ZFAT: variants seen among roughly 807,000 people sequenced by gnomAD.
The protein encoded by ZFAT is zinc finger and AT-hook domain containing.
Under a neutral mutation model 117.7 loss-of-function variants are expected in ZFAT, and 64 were observed. That is an observed-to-expected ratio of 0.54 (90% CI 0.44 to 0.67). ZFAT has a LOEUF of 0.67. Among genes scored for constraint, ZFAT ranks in the 30% least tolerant of loss-of-function variants. ZFAT has a pLI of 0.00. For missense variants in ZFAT, 1,433 were observed against 1,584.5 expected (o/e 0.90, Z 1.62); for synonymous variants, 679 against 615.0 (o/e 1.10, Z -1.54).
intron 1 of ZFAT, among the ~76,000 whole-genome samples, chr8:134,707,916 C>T (rs1813844075): frequency 6.6e-6 from 1 of 152,154 alleles, no homozygotes; most frequent in African/African-American, 2.4e-5. Context: ...TTGTGCTATT[C>T]ACAATAGTCA....
the ZFAT span, among the ~76,000 whole-genome samples, chr8:134,774,665 A>C: frequency 2.0e-5 from 3 of 152,220 alleles, no homozygotes; most frequent in Non-Finnish European, 4.4e-5. Context: ...GAAATCAAAA[A>C]ACTTGACCTT....
the ZFAT span, among the ~76,000 whole-genome samples, chr8:134,759,595 T>C: frequency 7.4e-6 from 1 of 135,614 alleles, no homozygotes; most frequent in Non-Finnish European, 1.6e-5. Flanking sequence ...AACATAATTA[T>C]TCATTTAGGA....
chr8:134,698,458 C>T (rs1053375817), intron 1 of ZFAT, among the ~76,000 whole-genome samples: 1 of 152,200 alleles, frequency 6.6e-6, no homozygotes, highest in Non-Finnish European at 1.5e-5. Flanking sequence ...TATTCAGACA[C>T]TCCAGTAGTC....
At chr8:134,526,615 G>A (rs532263377) in intron 12 of ZFAT, among the ~76,000 whole-genome samples, 3 of 152,206 alleles carry the variant, frequency 2.0e-5, no homozygotes, top group Non-Finnish European at 4.4e-5. Flanking sequence ...TTCTGGAGCA[G>A]TTTCAGGCAT....
chr8:134,780,489 T>C, the ZFAT span, among the ~76,000 whole-genome samples: 1 of 152,244 alleles, frequency 6.6e-6, no homozygotes. Flanking sequence ...ATTCTTTCCT[T>C]GTCTCCTACA....
chr8:134,521,555 T>C (rs1820656799), intron 12 of ZFAT, among the ~76,000 whole-genome samples: 1 of 152,178 alleles, frequency 6.6e-6, no homozygotes, highest in South Asian at 2.1e-4. Flanking sequence ...TCATTATTTA[T>C]TGAACTGATT....
At chr8:134,580,048 G>A (rs1312908185) in intron 10 of ZFAT, among the ~76,000 whole-genome samples, 2 of 151,958 alleles carry the variant, frequency 1.3e-5, no homozygotes, top group Non-Finnish European at 2.9e-5. Flanking sequence ...AGGACAGGAT[G>A]CCGAGGCAGG....
At chr8:134,553,792 T>C (rs1192242630) in intron 11 of ZFAT, among the ~76,000 whole-genome samples, 1 of 152,218 alleles carries the variant, frequency 6.6e-6, no homozygotes, top group Non-Finnish European at 1.5e-5. Context: ...GTACTTCTTT[T>C]ATCTCTGTGC....
At chr8:134,804,377 G>C in the ZFAT span, among the ~76,000 whole-genome samples, 1 of 152,164 alleles carries the variant, frequency 6.6e-6, no homozygotes, top group Non-Finnish European at 1.5e-5. Context: ...ATCACTCAGG[G>C]TGAGGGGAAC....
chr8:134,555,438 C>T (rs952448570), intron 11 of ZFAT, among the ~76,000 whole-genome samples: 3 of 152,238 alleles, frequency 2.0e-5, no homozygotes, highest in African/African-American at 7.2e-5. Flanking sequence ...AGTCCATGTT[C>T]TCAGATGCCA....
chr8:134,636,336 T>G (rs1174016276), intron 3 of ZFAT, among the ~76,000 whole-genome samples: 1 of 152,198 alleles, frequency 6.6e-6, no homozygotes, highest in African/African-American at 2.4e-5. Flanking sequence ...GCAGGAAGGA[T>G]GACAACAATA....
chr8:134,594,809 A>G (rs1009661958), intron 7 of ZFAT: 2 of 152,006 alleles, frequency 1.3e-5, no homozygotes, highest in Non-Finnish European at 2.9e-5. Flanking sequence ...AAACTTACCA[A>G]CTCCCAAGCT....
the ZFAT span, among the ~76,000 whole-genome samples, chr8:134,811,356 C>T: frequency 6.6e-6 from 1 of 152,192 alleles, no homozygotes; most frequent in Non-Finnish European, 1.5e-5. Context: ...AAAGGGTACT[C>T]AGTCAATCCC....
intron 12 of ZFAT, among the ~76,000 whole-genome samples, chr8:134,524,361 C>T (rs1480228715): frequency 6.6e-6 from 1 of 152,146 alleles, no homozygotes; most frequent in Non-Finnish European, 1.5e-5. Context: ...GTGGAGGAGG[C>T]CAGCATTCAC....
At chr8:134,558,299 G>T (rs1302522631) in intron 11 of ZFAT, among the ~76,000 whole-genome samples, 1 of 152,158 alleles carries the variant, frequency 6.6e-6, no homozygotes, top group African/African-American at 2.4e-5. Flanking sequence ...AGGGCTGATG[G>T]GCCAAGCCTT....
At chr8:134,773,502 C>T in the ZFAT span, among the ~76,000 whole-genome samples, 71 of 152,304 alleles carry the variant, frequency 4.7e-4, no homozygotes, top group African/African-American at 1.5e-3. Context: ...ACTTTCAAGT[C>T]TTACTATTTA....
the ZFAT span, among the ~76,000 whole-genome samples, chr8:134,788,352 TG>T: frequency 1.3e-5 from 2 of 152,172 alleles, no homozygotes; most frequent in African/African-American, 4.8e-5. Context: ...TTTTTAAATT[TG>T]TTTTATTCTT....
the ZFAT span, among the ~76,000 whole-genome samples, chr8:134,726,559 G>A: frequency 6.6e-6 from 1 of 152,114 alleles, no homozygotes; most frequent in Non-Finnish European, 1.5e-5. Flanking sequence ...CAACTCCTGA[G>A]GTCTTATTGG....
chr8:134,574,135 A>G lies in ZFAT; in HGVS notation c.2888-8714T>C, dbSNP rs575145594. On this transcript the variant is annotated intron_variant, in intron 10 of 15. Transcript: ENST00000377838. ...TGACTCTCCACGTTGAAGGAAGGAG[A>G]GGGGGATGTCAATGTGGTAGGTGGG... Among the ~76,000 whole-genome samples, 10 of 152,232 alleles carry G rather than the reference A, an allele frequency of 6.6e-5. No individual in the cohort carries two copies. In the East Asian group the frequency reaches 1.9e-3, roughly 29 times the overall value.
Sources: gnomAD v4.1 joint callset for allele counts (sites outside exome capture counted in the v4.1 genomes callset) on GRCh38, gnomAD v4.1.1 for gene constraint, MANE v1.5 for transcripts, NCBI Gene and HGNC (gene_info 2026-07-23, HGNC 2026-07-21) for gene names.